Variants in LRRC3B observed in about 807,000 individuals in gnomAD.
LRRC3B encodes leucine-rich repeat-containing protein 3B.
A neutral mutation model predicts 12.8 loss-of-function variants in LRRC3B; 2 were observed. The ratio of observed to expected loss-of-function variants is 0.16; its 90% CI spans 0.06 to 0.49. LRRC3B has a LOEUF of 0.49. Ranked by LOEUF, LRRC3B falls within the 20% of genes least tolerant of loss-of-function variation. The pLI, the probability that LRRC3B is intolerant of heterozygous loss-of-function variation, is 0.96. For synonymous variants in LRRC3B, 132 were observed against 122.0 expected (o/e 1.08, Z -0.54); for missense variants, 189 against 319.4 (o/e 0.59, Z 3.11).
At chr3:26,629,179 C>A (rs1001070453) in intron 1 of LRRC3B, among the ~76,000 whole-genome samples, 1 of 147,562 alleles carries the variant, frequency 6.8e-6, no homozygotes, top group Non-Finnish European at 1.5e-5. Flanking sequence ...TCCTCCTCTA[C>A]CCCTCCCCCT....
chr3:26,650,975 A>G (rs1335488587), intron 1 of LRRC3B, among the ~76,000 whole-genome samples: 1 of 152,180 alleles, frequency 6.6e-6, no homozygotes, highest in Non-Finnish European at 1.5e-5. Context: ...GAAGAAATGC[A>G]CCTCAAGTTA....
At chr3:26,678,731 G>A (rs576468709) in intron 1 of LRRC3B, among the ~76,000 whole-genome samples, 1 of 152,260 alleles carries the variant, frequency 6.6e-6, no homozygotes, top group South Asian at 2.1e-4. Flanking sequence ...ATATAAAAAT[G>A]ACTTTGGGGG....
At chr3:26,681,076 A>G (rs1304611373) in intron 1 of LRRC3B, among the ~76,000 whole-genome samples, 1 of 152,180 alleles carries the variant, frequency 6.6e-6, no homozygotes, top group East Asian at 1.9e-4. Context: ...AAAAAAGTAG[A>G]TTTTGAGGGA....
intron 1 of LRRC3B, among the ~76,000 whole-genome samples, chr3:26,666,813 C>G (rs973609076): frequency 2.6e-5 from 4 of 152,122 alleles, no homozygotes; most frequent in African/African-American, 9.7e-5. Context: ...CTTTTCTCCT[C>G]TGGTCTGTGA....
At chr3:26,655,330 A>C (rs923763622) in intron 1 of LRRC3B, among the ~76,000 whole-genome samples, 1 of 152,208 alleles carries the variant, frequency 6.6e-6, no homozygotes, top group African/African-American at 2.4e-5. Context: ...TGAACTAAAA[A>C]GGAAATCTAT....
At chr3:26,666,954 T>G (rs1699617277) in intron 1 of LRRC3B, among the ~76,000 whole-genome samples, 1 of 152,160 alleles carries the variant, frequency 6.6e-6, no homozygotes, top group Admixed American at 6.5e-5. Flanking sequence ...GTAGGGATTT[T>G]AACTAAAAAG....
intron 1 of LRRC3B, among the ~76,000 whole-genome samples, chr3:26,692,585 C>T (rs540248440): frequency 6.6e-6 from 1 of 152,118 alleles, no homozygotes; most frequent in Non-Finnish European, 1.5e-5. Flanking sequence ...TGAGCAATTA[C>T]AAAATTTTAA....
chr3:26,670,053 C>T (rs1699687802), intron 1 of LRRC3B, among the ~76,000 whole-genome samples: 2 of 152,202 alleles, frequency 1.3e-5, no homozygotes, highest in South Asian at 4.1e-4. Context: ...CTGGACCTGA[C>T]TGGGTCTATT....
intron 1 of LRRC3B, among the ~76,000 whole-genome samples, chr3:26,677,859 G>C (rs1266444173): frequency 1.3e-5 from 2 of 152,082 alleles, no homozygotes; most frequent in Non-Finnish European, 2.9e-5. Flanking sequence ...GGAGTGCTGT[G>C]GTGCGATCAT....
chr3:26,627,659 G>A (rs903743791), intron 1 of LRRC3B, among the ~76,000 whole-genome samples: 1 of 151,974 alleles, frequency 6.6e-6, no homozygotes, highest in Non-Finnish European at 1.5e-5. Context: ...CTCAGTCTGC[G>A]TTTTGTGTCA....
chr3:26,675,043 A>C (rs1358829813), intron 1 of LRRC3B, among the ~76,000 whole-genome samples: 1 of 152,114 alleles, frequency 6.6e-6, no homozygotes, highest in Non-Finnish European at 1.5e-5. Context: ...AGAACAAGAA[A>C]TCCTCCTCTC....
intron 1 of LRRC3B, among the ~76,000 whole-genome samples, chr3:26,686,898 A>G (rs944408152): frequency 2.6e-5 from 4 of 152,324 alleles, no homozygotes; most frequent in African/African-American, 9.6e-5. Flanking sequence ...TGAGGGAGCT[A>G]GACCTTCATC....
intron 1 of LRRC3B, among the ~76,000 whole-genome samples, chr3:26,662,156 G>C (rs960873603): frequency 6.6e-6 from 1 of 151,988 alleles, no homozygotes; most frequent in Admixed American, 6.6e-5. Flanking sequence ...TGATAATTGA[G>C]TCATTTTTTC....
exon 2 of LRRC3B, chr3:26,710,020 G>C (rs1026627648): frequency 2.5e-6 from 4 of 1,614,098 alleles, no homozygotes; most frequent in East Asian, 4.5e-5. Context: ...AAACCTTGCA[G>C]ACTCTGGACT....
At chr3:26,695,299 G>A (rs532506540) in intron 1 of LRRC3B, among the ~76,000 whole-genome samples, 10 of 152,160 alleles carry the variant, frequency 6.6e-5, no homozygotes, top group Non-Finnish European at 1.2e-4. Flanking sequence ...GGGCCGAGGC[G>A]GGGGGACCAC....
chr3:26,635,596 C>T (rs775601306), intron 1 of LRRC3B, among the ~76,000 whole-genome samples: 9 of 152,208 alleles, frequency 5.9e-5, no homozygotes, highest in African/African-American at 9.7e-5. Context: ...AGGCATCAAC[C>T]CTGCTGGTAT....
chr3:26,671,725 A>G (rs1485848833), intron 1 of LRRC3B, among the ~76,000 whole-genome samples: 4 of 152,072 alleles, frequency 2.6e-5, no homozygotes, highest in Admixed American at 2.0e-4. Flanking sequence ...AGTGATCAAC[A>G]CTAGCTCTTT....
intron 1 of LRRC3B, among the ~76,000 whole-genome samples, chr3:26,646,918 G>T (rs1001217473): frequency 6.8e-6 from 1 of 147,058 alleles, no homozygotes; most frequent in Non-Finnish European, 1.5e-5. Flanking sequence ...CTGGCCCATT[G>T]TAAGTACTCA....
chr3:26,644,138 C>G (rs766757852), intron 1 of LRRC3B, among the ~76,000 whole-genome samples: 3 of 152,158 alleles, frequency 2.0e-5, no homozygotes, highest in Admixed American at 1.3e-4. Context: ...GATGAGGAAT[C>G]ATTTAAATAA....
Sources: gnomAD v4.1 joint callset for allele counts (sites outside exome capture counted in the v4.1 genomes callset) on GRCh38, gnomAD v4.1.1 for gene constraint, MANE v1.5 for transcripts, NCBI Gene and HGNC (gene_info 2026-07-23, HGNC 2026-07-21) for gene names.